Variants in NEMP2 observed in about 807,000 individuals in gnomAD.
NEMP2 encodes UPF0571 transmembrane protein.
Under a neutral mutation model 54.2 loss-of-function variants are expected in NEMP2, and 53 were observed. The ratio of observed to expected loss-of-function variants is 0.98; its 90% CI spans 0.78 to 1.23. NEMP2 has a LOEUF of 1.23. Among genes scored for constraint, NEMP2 ranks in the 50% most tolerant of loss-of-function variants. The pLI, the probability that NEMP2 is intolerant of heterozygous loss-of-function variation, is 0.00. For synonymous variants in NEMP2, 197 were observed against 190.3 expected (o/e 1.04, Z -0.29); for missense variants, 455 against 511.3 (o/e 0.89, Z 1.06).
chr2:190,500,801 C>G (rs369066043), downstream of NEMP2: 13 of 152,774 alleles, frequency 8.5e-5, 2 homozygotes, highest in African/African-American at 2.9e-4. The surrounding 1 kb of genome is among the most constrained non-coding windows in gnomAD (Gnocchi z 5.3). Flanking sequence ...TCATCAGAAA[C>G]TTTACATATC....
the NEMP2 span, among the ~76,000 whole-genome samples, chr2:190,545,019 C>A: frequency 6.6e-6 from 1 of 151,706 alleles, no homozygotes. Flanking sequence ...AGGAGGATCA[C>A]TTGAGCCAGG....
At chr2:190,600,630 G>T in the NEMP2 span, among the ~76,000 whole-genome samples, 1 of 152,036 alleles carries the variant, frequency 6.6e-6, no homozygotes, top group Non-Finnish European at 1.5e-5. This position sits in a 1 kb window ranked among gnomAD's most constrained non-coding sequence, Gnocchi z 4.9. Flanking sequence ...TTTCTCTTTT[G>T]CTTCCTCTCT....
At chr2:190,632,090 A>C in the NEMP2 span, among the ~76,000 whole-genome samples, 132 of 152,264 alleles carry the variant, frequency 8.7e-4, no homozygotes, top group African/African-American at 3.0e-3. This position sits in a 1 kb window ranked among gnomAD's most constrained non-coding sequence, Gnocchi z 4.8. Context: ...AGAAAAGAAA[A>C]AGACACTATG....
the NEMP2 span, chr2:190,437,545 T>G: frequency 6.2e-7 from 1 of 1,613,472 alleles, no homozygotes; most frequent in Non-Finnish European, 8.5e-7. This position sits in a 1 kb window ranked among gnomAD's most constrained non-coding sequence, Gnocchi z 5.9. Flanking sequence ...GCTTATTGAA[T>G]TGATCGGCCA....
the NEMP2 span, chr2:190,469,792 C>A: frequency 1.9e-6 from 3 of 1,605,516 alleles, no homozygotes; most frequent in Non-Finnish European, 2.5e-6. The surrounding 1 kb of genome is among the most constrained non-coding windows in gnomAD (Gnocchi z 5.3). Context: ...CAATACGGCT[C>A]GCTATATTTA....
At chr2:190,488,193 G>A in the NEMP2 span, among the ~76,000 whole-genome samples, 5 of 152,140 alleles carry the variant, frequency 3.3e-5, no homozygotes, top group Non-Finnish European at 7.4e-5. The surrounding 1 kb of genome is among the most constrained non-coding windows in gnomAD (Gnocchi z 6.4). Context: ...GAGCCACTGC[G>A]CCCAGCCACT....
At chr2:190,452,486 T>C in the NEMP2 span, among the ~76,000 whole-genome samples, 9 of 152,202 alleles carry the variant, frequency 5.9e-5, no homozygotes, top group Non-Finnish European at 1.0e-4. Flanking sequence ...GAGATGAGAA[T>C]TGTAGAGTGA....
chr2:190,527,843 G>T lies in NEMP2; in HGVS notation c.98-2465C>A, dbSNP rs1335145585. Among the ~76,000 whole-genome samples the T allele has an allele frequency of 6.6e-6, 1 of 152,126 alleles. No individual in the cohort carries two copies. The highest frequency in any genetic ancestry group is 2.4e-5 in the African/African-American group (1 of 41,444). ...ACTGAGCAACCTAGGGATCTAGGTTGCATGCTTGTTATGATAATCTAACTA... is the reference window on the plus strand; with the variant it reads ...ACTGAGCAACCTAGGGATCTAGGTTTCATGCTTGTTATGATAATCTAACTA... On this transcript the variant is annotated intron_variant, in intron 1 of 8. Transcript: ENST00000409150. This position sits in a 1 kb window ranked among gnomAD's most constrained non-coding sequence, Gnocchi z 4.0.
At position 190,523,795 on chromosome 2, in the gene NEMP2, G is replaced by A. The variant is rs371835661; in HGVS notation, c.213+1468C>T. On this transcript the variant is annotated intron_variant, in intron 2 of 8. Coordinates refer to ENST00000409150, the MANE Select transcript of NEMP2 (RefSeq NM_001142645.2). The surrounding 1 kb of genome is among the most constrained non-coding windows in gnomAD (Gnocchi z 5.3). ...TTGAGTATCAAAATAAATAATGAGA[G>A]TAATGGATTGTAGTTTCCTGAAATA... Among the ~76,000 whole-genome samples, 8 of 152,114 alleles carry A rather than the reference G, an allele frequency of 5.3e-5. No homozygotes were observed. The East Asian group carries it at 1.3e-3, about 26-fold the overall frequency.
rs1054127366 is a variant in NEMP2, at chr2:190,509,279, C to A, written c.1164G>T (p.Leu388Phe). 2 of 1,551,716 alleles carry A rather than the reference C, an allele frequency of 1.3e-6. No homozygotes were observed. Among genetic ancestry groups the A allele is most frequent in the Middle Eastern group, 1.7e-4 (1 of 5,992 alleles). Residue 388 changes from leucine (L) to phenylalanine (F), a missense_variant, in exon 9 of 9, where the codon TTG becomes TTT. Around this residue, in one of 3 missense-constraint regions of NEMP2, gnomAD observed 294 missense variants for 333.6 expected, o/e 0.88. Coordinates refer to ENST00000409150, the MANE Select transcript of NEMP2 (RefSeq NM_001142645.2). The surrounding 1 kb of genome is among the most constrained non-coding windows in gnomAD (Gnocchi z 6.1). ...FADFVLGGSH[L>F]SPEEISLHEE... ...CATGCAGACTGATTTCTTCAGGTGA[C>A]AAGTGGCTTCCTCCAAGAACAAAGT...
the NEMP2 span, chr2:190,497,856 C>G: frequency 2.9e-6 from 3 of 1,026,008 alleles, no homozygotes; most frequent in African/African-American, 4.8e-5. This position sits in a 1 kb window ranked among gnomAD's most constrained non-coding sequence, Gnocchi z 5.2. Flanking sequence ...CAAACAATTT[C>G]AGTACTCTGT....
At chr2:190,553,594 C>A in the NEMP2 span, 16 of 152,392 alleles carry the variant, frequency 1.0e-4, no homozygotes, top group African/African-American at 3.4e-4. Context: ...TGCTAGCTAA[C>A]ATCCACTTCA....
chr2:190,432,614 G>T, the NEMP2 span, among the ~76,000 whole-genome samples: 2 of 151,950 alleles, frequency 1.3e-5, no homozygotes, highest in Non-Finnish European at 2.9e-5. Context: ...ACAGGGTTTT[G>T]CCAAGTTGGC....
the NEMP2 span, among the ~76,000 whole-genome samples, chr2:190,465,241 C>T: frequency 6.6e-6 from 1 of 152,158 alleles, no homozygotes; most frequent in African/African-American, 2.4e-5. This position sits in a 1 kb window ranked among gnomAD's most constrained non-coding sequence, Gnocchi z 4.6. Context: ...GCATCATTTG[C>T]TTCTTATCAA....
At chr2:190,629,343 T>C in the NEMP2 span, among the ~76,000 whole-genome samples, 6 of 152,150 alleles carry the variant, frequency 3.9e-5, no homozygotes, top group Non-Finnish European at 7.4e-5. Flanking sequence ...TGCACCAAAA[T>C]AAACTTGTAC....
the NEMP2 span, among the ~76,000 whole-genome samples, chr2:190,558,628 AC>A: frequency 6.6e-6 from 1 of 152,228 alleles, no homozygotes; most frequent in Non-Finnish European, 1.5e-5. The surrounding 1 kb of genome is among the most constrained non-coding windows in gnomAD (Gnocchi z 4.4). Flanking sequence ...CTGGCATACC[AC>A]CATGTAACCC....
At chr2:190,441,265 G>C in the NEMP2 span, among the ~76,000 whole-genome samples, 1 of 151,864 alleles carries the variant, frequency 6.6e-6, no homozygotes, top group Non-Finnish European at 1.5e-5. Context: ...ACTTGGGTTC[G>C]GCTAATGTAT....
chr2:190,560,756 T>G, the NEMP2 span, among the ~76,000 whole-genome samples: 3 of 152,346 alleles, frequency 2.0e-5, no homozygotes, highest in African/African-American at 7.2e-5. This position sits in a 1 kb window ranked among gnomAD's most constrained non-coding sequence, Gnocchi z 5.4. Flanking sequence ...TGCATTTGGT[T>G]CATTCATATA....
the NEMP2 span, among the ~76,000 whole-genome samples, chr2:190,593,336 T>C: frequency 1.3e-5 from 2 of 152,204 alleles, no homozygotes; most frequent in African/African-American, 2.4e-5. This position sits in a 1 kb window ranked among gnomAD's most constrained non-coding sequence, Gnocchi z 4.5. Context: ...GTGATACAGA[T>C]TGAAGGTGAG....
Sources: allele counts gnomAD v4.1 joint callset (sites outside exome capture counted in the v4.1 genomes callset), GRCh38; gene constraint gnomAD v4.1.1; regional missense constraint gnomAD v4.1.1; non-coding constraint Gnocchi (gnomAD v3.1); transcripts MANE v1.5; gene names NCBI Gene and HGNC (gene_info 2026-07-23, HGNC 2026-07-21).